Variants in NEK4 observed in about 807,000 individuals in gnomAD.
The protein encoded by NEK4 is NIMA related kinase 4.
NEK4 carries 86 observed loss-of-function variants against 98.4 expected under a neutral mutation model. The ratio of observed to expected loss-of-function variants is 0.87; its 90% confidence interval spans 0.73 to 1.05. NEK4 has a LOEUF of 1.05. NEK4 is among the 50% of genes least tolerant of loss of function. The pLI is 0.00. For missense variants in NEK4, 898 were observed against 950.3 expected, an observed-to-expected ratio of 0.94 and a Z score of 0.72; for synonymous variants, 328 against 342.2, an observed-to-expected ratio of 0.96 and a Z score of 0.46.
intron 15 of NEK4, among the ~76,000 whole-genome samples, chr3:52,730,233 A>T (rs2097368296): frequency 6.6e-6 from 1 of 152,256 alleles, no homozygotes; most frequent in Non-Finnish European, 1.5e-5. Flanking sequence ...AGACTGAATC[A>T]CAAAGAAATA....
intron 15 of NEK4, among the ~76,000 whole-genome samples, chr3:52,729,821 A>G (rs2097367917): frequency 2.0e-5 from 3 of 152,202 alleles, no homozygotes; most frequent in South Asian, 2.1e-4. Flanking sequence ...ACAGAAATAA[A>G]AAGAATTGGG....
chr3:52,725,542 C>A (rs1251139893), intron 15 of NEK4, among the ~76,000 whole-genome samples: 4 of 146,414 alleles, frequency 2.7e-5, no homozygotes, highest in African/African-American at 9.9e-5. Flanking sequence ...AAAAAAAAAA[C>A]ATATAATGTA....
intron 15 of NEK4, among the ~76,000 whole-genome samples, chr3:52,718,714 C>A (rs1359150069): frequency 2.6e-5 from 4 of 152,154 alleles, no homozygotes; most frequent in Non-Finnish European, 5.9e-5. Context: ...CAGACCCCTA[C>A]AACTGCTCGC....
intron 15 of NEK4, among the ~76,000 whole-genome samples, chr3:52,727,515 A>T (rs903620298): frequency 3.3e-5 from 5 of 152,200 alleles, no homozygotes; most frequent in Non-Finnish European, 7.3e-5. Flanking sequence ...AGATGGAGTC[A>T]CCCAGGCTGG....
At position 52,710,384 on chromosome 3, in the gene NEK4, T is replaced by C. The variant is rs2097349224; in HGVS notation, c.*1393A>G. Reference sequence around the variant, plus strand: ...TGTCTTAAAAAAAAAAAAAAATTGTTAAGTGGCTGTAAAGGGAACATTTCA... The same window carrying C: ...TGTCTTAAAAAAAAAAAAAAATTGTCAAGTGGCTGTAAAGGGAACATTTCA... On this transcript the variant is annotated 3_prime_UTR_variant, in exon 16 of 16. Transcript: ENST00000233027. 1 of 149,008 alleles carries C rather than the reference T, an allele frequency of 6.7e-6. No homozygotes were observed. Among genetic ancestry groups the C allele is most frequent in the Non-Finnish European group, 1.5e-5 (1 of 67,406 alleles). The allele number at this position is 149,008 out of a possible 1,614,324, so 9.2% of individuals were successfully genotyped here.
At chr3:52,770,537 G>A (rs537859471) in intron 1 of NEK4, 117 bp downstream of exon 1, 3 of 753,294 alleles carry the variant, frequency 4.0e-6, no homozygotes, top group African/African-American at 3.6e-5. Context: ...CCATTTCCCT[G>A]AGGAAACGCC....
intron 15 of NEK4, chr3:52,734,980 C>G (rs1466923876): frequency 5.5e-6 from 1 of 181,328 alleles, no homozygotes; most frequent in Non-Finnish European, 1.2e-5. Flanking sequence ...TATATGCTTT[C>G]CTACCAACTA....
chr3:52,758,762 C>T (rs904187967), intron 6 of NEK4, among the ~76,000 whole-genome samples: 8 of 152,006 alleles, frequency 5.3e-5, no homozygotes, highest in African/African-American at 1.4e-4. Context: ...GAACACAGAT[C>T]GAGAACTCCT....
chr3:52,750,469 C>G (rs2097403183), intron 7 of NEK4, among the ~76,000 whole-genome samples: 1 of 152,142 alleles, frequency 6.6e-6, no homozygotes, highest in South Asian at 2.1e-4. Context: ...AATCATTGAA[C>G]CCAGGAGGCA....
intron 15 of NEK4, among the ~76,000 whole-genome samples, chr3:52,714,577 A>T (rs1241894436): frequency 6.6e-6 from 1 of 152,184 alleles, no homozygotes; most frequent in Non-Finnish European, 1.5e-5. Context: ...GGGAGGAAGC[A>T]GACAGTCCCC....
chr3:52,752,921 T>A (rs1273671472), intron 6 of NEK4, among the ~76,000 whole-genome samples: 822 of 61,890 alleles, frequency 0.013, 2 homozygotes, highest in African/African-American at 0.041. Flanking sequence ...AAAAAAAATA[T>A]ATATATATAT....
Position 52,749,836 on chromosome 3 carries a change from C to CA in NEK4, c.1369-8dup, listed in dbSNP as rs1053651443. 1.2e-4 allele frequency: 18 copies of CA among 154,592 alleles called. No individual in the cohort carries two copies. Among genetic ancestry groups the CA allele is most frequent in the South Asian group, 3.5e-4 (2 of 5,796 alleles). The allele number at this position is 154,592 out of a possible 1,614,324, so 9.6% of individuals were successfully genotyped here. A position where few individuals can be genotyped will look rare whatever the true frequency, so the allele number is the denominator to read the frequency against. ...TGGGCGACAGGGCAAGACTCTGTCTCAAAAAAAAAGAAAAAGAAAAACATG... is the reference window on the plus strand; with the variant it reads ...TGGGCGACAGGGCAAGACTCTGTCTCAAAAAAAAAAGAAAAAGAAAAACATG... On this transcript the variant is annotated splice_polypyrimidine_tract_variant and splice_region_variant and intron_variant, in intron 7 of 15. Coordinates refer to ENST00000233027, the MANE Select transcript of NEK4 (RefSeq NM_003157.6).
rs2097382460 is a variant in NEK4, at chr3:52,739,640, G to GA, written c.2094-7_2094-6insT. 6.2e-7 allele frequency: 1 copy of GA among 1,602,134 alleles called. No homozygotes were observed. Among genetic ancestry groups the GA allele is most frequent in the Admixed American group, 1.7e-5 (1 of 58,284 alleles). Reference sequence around the variant, plus strand: ...TTTCATTTGTCTGACCTTTCCTGGGGGAAAAAAATATCCCTTTGTTATTTA... The same window carrying GA: ...TTTCATTTGTCTGACCTTTCCTGGGGAGAAAAAAATATCCCTTTGTTATTTA... On this transcript the variant is annotated splice_polypyrimidine_tract_variant and splice_region_variant and intron_variant, in intron 13 of 15. Coordinates refer to ENST00000233027, the MANE Select transcript of NEK4 (RefSeq NM_003157.6).
At chr3:52,741,286 G>T in intron 13 of NEK4, 125 bp downstream of exon 13, 1 of 536,508 alleles carries the variant, frequency 1.9e-6, no homozygotes, top group Non-Finnish European at 3.3e-6. Flanking sequence ...TCCAGCATAT[G>T]CCACAAACCA....
chr3:52,754,678 A>G (rs1424003370), intron 6 of NEK4: 2 of 595,760 alleles, frequency 3.4e-6, no homozygotes, highest in Admixed American at 1.9e-5. Flanking sequence ...AAAGAAGAGA[A>G]AACAGTAGCA....
intron 15 of NEK4, among the ~76,000 whole-genome samples, chr3:52,712,330 GCTT>G (rs907422745): frequency 6.6e-6 from 1 of 151,944 alleles, no homozygotes; most frequent in Admixed American, 6.6e-5. Flanking sequence ...GGTGTGGCTC[GCTT>G]CTTCAGTGCC....
chr3:52,761,524 G>A (rs1698356798), intron 5 of NEK4, among the ~76,000 whole-genome samples: 1 of 152,080 alleles, frequency 6.6e-6, no homozygotes, highest in African/African-American at 2.4e-5. Context: ...GACCTCAGGT[G>A]ATCTGCCAGC....
At chr3:52,761,568 G>A (rs987461476) in intron 5 of NEK4, among the ~76,000 whole-genome samples, 1 of 152,142 alleles carries the variant, frequency 6.6e-6, no homozygotes, top group African/African-American at 2.4e-5. Context: ...TTACAGGCGT[G>A]AGCCACCATG....
chr3:52,763,453 C>A lies in NEK4; in HGVS notation c.821+17G>T, dbSNP rs755712408. The A allele has an allele frequency of 6.2e-7, 1 of 1,603,338 alleles. No individual in the cohort carries two copies. The highest frequency in any genetic ancestry group is 2.2e-5 in the East Asian group (1 of 44,648). On this transcript the variant is annotated intron_variant, in intron 5 of 15. Coordinates refer to ENST00000233027, the MANE Select transcript of NEK4 (RefSeq NM_003157.6). ...CCCATCTATTTAGCCCAGCTATTTG[C>A]AAGGGAAGTATCTTACATCTTTGTG... is the stretch of plus-strand genomic sequence containing the variant.
Sources: gnomAD v4.1 joint callset for allele counts (sites outside exome capture counted in the v4.1 genomes callset) on GRCh38, gnomAD v4.1.1 for gene constraint, MANE v1.5 for transcripts, NCBI Gene and HGNC (gene_info 2026-07-23, HGNC 2026-07-21) for gene names.